CDH4: variants seen among roughly 807,000 people sequenced by gnomAD.
CDH4 encodes cadherin-4.
In CDH4, 33 loss-of-function variants were observed where a neutral mutation model predicts 86.0. The observed-to-expected ratio is 0.38, with a 90% CI of 0.29 to 0.51. The LOEUF (loss-of-function observed/expected upper bound fraction) is 0.51, where lower values mean the gene tolerates loss of function less well. Ranked by LOEUF, CDH4 falls within the 20% of genes least tolerant of loss-of-function variation. The pLI is 0.86. For missense variants in CDH4, 1,114 were observed against 1,307.4 expected (o/e 0.85, Z 2.28); for synonymous variants, 555 against 549.4 (o/e 1.01, Z -0.14).
rs115421785 is a variant in CDH4, at chr20:61,501,938, C to T, written c.170-241625C>T. ...CTGAGGAATGCCTGAGTGAGGACCC[C>T]GTGTAAAGTAAGATGAACCGAGTGG... On this transcript the variant is annotated intron_variant, in intron 2 of 15. Coordinates refer to ENST00000614565, the MANE Select transcript of CDH4 (RefSeq NM_001794.5). This position sits in a 1 kb window ranked among gnomAD's most constrained non-coding sequence, Gnocchi z 4.2. Among the ~76,000 whole-genome samples, 605 of 152,234 alleles carry T rather than the reference C, an allele frequency of 4.0e-3. 3 individuals are homozygous for T. Among genetic ancestry groups the T allele is most frequent in the African/African-American group, 0.012 (508 of 41,538 alleles).
At chr20:61,900,448 C>T (rs1412758047) in intron 8 of CDH4, among the ~76,000 whole-genome samples, 5 of 152,164 alleles carry the variant, frequency 3.3e-5, no homozygotes, top group African/African-American at 7.2e-5. Flanking sequence ...CATCACCTCC[C>T]GCCTCCTTGC....
At chr20:61,768,202 C>G (rs544934468) in intron 3 of CDH4, among the ~76,000 whole-genome samples, 14 of 152,060 alleles carry the variant, frequency 9.2e-5, no homozygotes, top group African/African-American at 2.7e-4. Flanking sequence ...CACACACACA[C>G]AGACACACAA....
chr20:61,733,677 G>A (rs956792929), intron 2 of CDH4, among the ~76,000 whole-genome samples: 1 of 151,916 alleles, frequency 6.6e-6, no homozygotes, highest in Non-Finnish European at 1.5e-5. Context: ...CACAGAGAAA[G>A]AGAGAAAGAA....
chr20:61,755,092 C>G (rs1304492096), intron 3 of CDH4: 1 of 152,154 alleles, frequency 6.6e-6, no homozygotes, highest in Non-Finnish European at 1.5e-5. Context: ...AAAATGAAAA[C>G]CCCTGATAAA....
At chr20:61,741,425 C>T (rs2088332514) in intron 2 of CDH4, among the ~76,000 whole-genome samples, 1 of 152,178 alleles carries the variant, frequency 6.6e-6, no homozygotes, top group African/African-American at 2.4e-5. Flanking sequence ...GTCATTCAGA[C>T]GTTGGTGGCC....
chr20:61,709,130 G>A lies in CDH4; in HGVS notation c.170-34433G>A, dbSNP rs6142832. ...CTCGGGTCCCAGTGGCGTAGCGGCC[G>A]CCCAAATGATGAGCCCACAACGCAC... On this transcript the variant is annotated intron_variant, in intron 2 of 15. Transcript: ENST00000614565. The surrounding 1 kb of genome is among the most constrained non-coding windows in gnomAD (Gnocchi z 4.8). 0.021 allele frequency among the ~76,000 whole-genome samples: 3,239 copies of A among 152,204 alleles called. 157 individuals are homozygous for A. Among genetic ancestry groups the A allele is most frequent in the East Asian group, 0.21 (1,066 of 5,154 alleles).
chr20:61,765,781 C>T (rs2088691213), intron 3 of CDH4, among the ~76,000 whole-genome samples: 1 of 152,104 alleles, frequency 6.6e-6, no homozygotes, highest in Admixed American at 6.5e-5. Context: ...GCCCCAGGTG[C>T]CTGTGGGGGC....
At chr20:61,273,359 G>A (rs1236568877) in intron 2 of CDH4, among the ~76,000 whole-genome samples, 4 of 135,174 alleles carry the variant, frequency 3.0e-5, no homozygotes, top group South Asian at 5.1e-4. Flanking sequence ...GTTTGGGGGA[G>A]TACCGTGTGC....
chr20:61,651,247 C>T (rs894903026), intron 2 of CDH4, among the ~76,000 whole-genome samples: 1 of 152,234 alleles, frequency 6.6e-6, no homozygotes, highest in East Asian at 1.9e-4. Flanking sequence ...GAGTTAGCAT[C>T]GTGCTTGGCC....
At chr20:61,474,081 T>C (rs2085521163) in intron 2 of CDH4, among the ~76,000 whole-genome samples, 1 of 152,082 alleles carries the variant, frequency 6.6e-6, no homozygotes, top group Non-Finnish European at 1.5e-5. Context: ...ATGATGAGTT[T>C]AAACTTCTTC....
intron 4 of CDH4, among the ~76,000 whole-genome samples, chr20:61,788,721 A>G (rs1391852151): frequency 2.0e-5 from 3 of 152,228 alleles, no homozygotes; most frequent in Non-Finnish European, 4.4e-5. Flanking sequence ...CTTTCTCAGA[A>G]TATTAGAGAC....
chr20:61,402,575 G>C (rs2085055495), intron 2 of CDH4, among the ~76,000 whole-genome samples: 1 of 152,174 alleles, frequency 6.6e-6, no homozygotes, highest in Admixed American at 6.5e-5. Flanking sequence ...ATTTTTAGTA[G>C]AGATGGGGTT....
intron 4 of CDH4, among the ~76,000 whole-genome samples, chr20:61,830,736 G>T (rs1035921138): frequency 1.3e-5 from 2 of 152,262 alleles, no homozygotes; most frequent in Non-Finnish European, 2.9e-5. Context: ...CAGAGCGGCA[G>T]GAGCGGGCGG....
At chr20:61,316,467 A>C (rs1360858176) in intron 2 of CDH4, among the ~76,000 whole-genome samples, 1 of 152,254 alleles carries the variant, frequency 6.6e-6, no homozygotes, top group African/African-American at 2.4e-5. Flanking sequence ...AGACGGAACA[A>C]ACCTTTGGCT....
intron 2 of CDH4, among the ~76,000 whole-genome samples, chr20:61,742,478 G>A (rs7267654): frequency 0.064 from 9,780 of 152,270 alleles, 446 homozygotes; most frequent in South Asian, 0.2. Flanking sequence ...TTTATCTAAT[G>A]TAACAGTGAG....
Position 61,496,923 on chromosome 20 carries a change from G to A in CDH4, c.169+241986G>A, listed in dbSNP as rs1014970484. On this transcript the variant is annotated intron_variant, in intron 2 of 15. Coordinates refer to ENST00000614565, the MANE Select transcript of CDH4 (RefSeq NM_001794.5). ...CATTCTTGTGCAAATCTTGTTGTGGGCAGGTGTTTTTTTTTGTTTGTTTTG... is the reference window on the plus strand; with the variant it reads ...CATTCTTGTGCAAATCTTGTTGTGGACAGGTGTTTTTTTTTGTTTGTTTTG... 3.7e-4 allele frequency among the ~76,000 whole-genome samples: 56 copies of A among 151,778 alleles called. 1 individual carries two copies. The highest frequency in any genetic ancestry group is 1.4e-3 in the East Asian group (7 of 5,178).
chr20:61,303,382 C>T (rs138901269), intron 2 of CDH4, among the ~76,000 whole-genome samples: 1 of 152,318 alleles, frequency 6.6e-6, no homozygotes, highest in African/African-American at 2.4e-5. Context: ...CTGCAAGAGC[C>T]AGGGCAGGGG....
Position 61,811,972 on chromosome 20 carries a change from G to T in CDH4, c.577-32696G>T, listed in dbSNP as rs1013102662. 2.0e-5 allele frequency among the ~76,000 whole-genome samples: 3 copies of T among 152,080 alleles called. No individual in the cohort carries two copies. The highest frequency in any genetic ancestry group is 6.6e-5 in the Admixed American group (1 of 15,266). ...TAGGCATGAGCCACTGCACCTAGCC[G>T]CCTGCTGTCCTTCAGACTCCCCGCC... On this transcript the variant is annotated intron_variant, in intron 4 of 15. Coordinates refer to ENST00000614565, the MANE Select transcript of CDH4 (RefSeq NM_001794.5). The surrounding 1 kb of genome is among the most constrained non-coding windows in gnomAD (Gnocchi z 4.4).
At chr20:61,665,566 T>C (rs567283515) in intron 2 of CDH4, among the ~76,000 whole-genome samples, 53 of 152,186 alleles carry the variant, frequency 3.5e-4, no homozygotes, top group Non-Finnish European at 6.3e-4. Flanking sequence ...TAGTGGGTGA[T>C]AAATTCCCCC....
Sources: allele counts gnomAD v4.1 joint callset (sites outside exome capture counted in the v4.1 genomes callset), GRCh38; gene constraint gnomAD v4.1.1; non-coding constraint Gnocchi (gnomAD v3.1); transcripts MANE v1.5; gene names NCBI Gene and HGNC (gene_info 2026-07-23, HGNC 2026-07-21).